CELSR1: variants seen among roughly 807,000 people sequenced by gnomAD.
The protein encoded by CELSR1 is adhesion G protein-coupled receptor C1.
In CELSR1, 110 loss-of-function variants were observed where a neutral mutation model predicts 249.1. The ratio of observed to expected loss-of-function variants is 0.44; its 90% CI spans 0.38 to 0.52. CELSR1 has a LOEUF of 0.52. Among genes scored for constraint, CELSR1 ranks in the 20% least tolerant of loss-of-function variants. CELSR1 has a pLI of 0.00. For missense variants in CELSR1, 4,109 were observed against 4,296.4 expected, an observed-to-expected ratio of 0.96 and a Z score of 1.22; for synonymous variants, 2,113 against 1,900.0, an observed-to-expected ratio of 1.11 and a Z score of -2.92.
rs374460494 is a variant in CELSR1, at chr22:46,425,732, T to C, written c.4611+7661A>G. 8.7e-4 allele frequency among the ~76,000 whole-genome samples: 133 copies of C among 152,330 alleles called. 1 individual carries two copies. In the South Asian group the frequency reaches 0.026, roughly 30 times the overall value. The stretch of plus-strand genomic sequence containing the variant: ...TTAATCTTAAAGAATCGGCTCTTTG[T>C]TTCATTGATTTTCTCTATTGTTTTG... On this transcript the variant is annotated intron_variant, in intron 5 of 34. Coordinates refer to ENST00000674500, the MANE Select transcript of CELSR1 (RefSeq NM_001378328.1).
At position 46,413,918 on chromosome 22, in the gene CELSR1, G is replaced by A. The variant is rs1406499346; in HGVS notation, c.4612-2159C>T. Among the ~76,000 whole-genome samples, 2 of 152,190 alleles carry A rather than the reference G, an allele frequency of 1.3e-5. No individual in the cohort carries two copies. The highest frequency in any genetic ancestry group is 4.2e-4 in the South Asian group (2 of 4,818). The stretch of plus-strand genomic sequence containing the variant: ...AATTTACATTTTTGGGGCTGGGCGT[G>A]AGACTACTGGAGGAAGGGCGTAAGT... On this transcript the variant is annotated intron_variant, in intron 5 of 34. Coordinates refer to ENST00000674500, the MANE Select transcript of CELSR1 (RefSeq NM_001378328.1). The surrounding 1 kb of genome is among the most constrained non-coding windows in gnomAD (Gnocchi z 4.7).
In CELSR1 at chr22:46,472,463, G is replaced by A. The variant is rs1236308445; in HGVS notation, c.3545-8118C>T. On this transcript the variant is annotated intron_variant, in intron 1 of 34. Transcript: ENST00000674500. This position sits in a 1 kb window ranked among gnomAD's most constrained non-coding sequence, Gnocchi z 7.0. ...TCGGTGGCAGGTGATTGGCGGCTGT[G>A]GGTGAAGAGCAGCGCAGCTGATGCT... 1.1e-4 allele frequency among the ~76,000 whole-genome samples: 16 copies of A among 152,192 alleles called. No homozygotes were observed. Among genetic ancestry groups the A allele is most frequent in the Admixed American group, 1.0e-3 (16 of 15,284 alleles).
chr22:46,531,082 T>C (rs183825459), intron 1 of CELSR1, among the ~76,000 whole-genome samples: 4 of 152,252 alleles, frequency 2.6e-5, no homozygotes, highest in Admixed American at 6.5e-5. Flanking sequence ...CTGTTTTCTA[T>C]CCGGTGCTTT....
In CELSR1 at chr22:46,488,479, G is replaced by A. The variant is rs958403839; in HGVS notation, c.3545-24134C>T. 8.5e-5 allele frequency among the ~76,000 whole-genome samples: 13 copies of A among 152,294 alleles called. No individual in the cohort carries two copies. Among genetic ancestry groups the A allele is most frequent in the South Asian group, 2.1e-4 (1 of 4,828 alleles). ...TGCGTGCCAGTGAGCTCAGTGGGAC[G>A]GTTCGGCAGGAACACGGCTTGAACC... is the stretch of plus-strand genomic sequence containing the variant. On this transcript the variant is annotated intron_variant, in intron 1 of 34. Coordinates refer to ENST00000674500, the MANE Select transcript of CELSR1 (RefSeq NM_001378328.1). This position sits in a 1 kb window ranked among gnomAD's most constrained non-coding sequence, Gnocchi z 4.7.
chr22:46,458,689 G>GACAAGTCACTTTC (rs1169443885), intron 2 of CELSR1, among the ~76,000 whole-genome samples: 3 of 152,172 alleles, frequency 2.0e-5, no homozygotes, highest in Non-Finnish European at 4.4e-5. Context: ...GCAGCTGTGA[G>GACAAGTCACTTTC]ACTCACCTCT....
rs1388399323 is a variant in CELSR1 at position 46,391,535 on chromosome 22, G to A, written c.6148+98C>T. ...AACTCAGAACACGAGGGAGCCCAGG[G>A]TCCCCCAAACACCCAGCGTGCATGC... On this transcript the variant is annotated intron_variant, in intron 15 of 34. Coordinates refer to ENST00000674500, the MANE Select transcript of CELSR1 (RefSeq NM_001378328.1). This position sits in a 1 kb window ranked among gnomAD's most constrained non-coding sequence, Gnocchi z 4.3. 1.0e-5 allele frequency: 14 copies of A among 1,351,476 alleles called. No individual in the cohort carries two copies. The African/African-American group carries it at 1.2e-4, about 11-fold the overall frequency. The allele number at this position is 1,351,476 out of a possible 1,614,324, so 83.7% of individuals were successfully genotyped here.
At chr22:46,486,504 T>C (rs961136296) in intron 1 of CELSR1, among the ~76,000 whole-genome samples, 1 of 151,518 alleles carries the variant, frequency 6.6e-6, no homozygotes, top group African/African-American at 2.4e-5. Flanking sequence ...GCCAAGATCA[T>C]GCCCCTGTAC....
At chr22:46,414,807 A>C (rs1204456183) in intron 5 of CELSR1, among the ~76,000 whole-genome samples, 3 of 152,252 alleles carry the variant, frequency 2.0e-5, no homozygotes, top group Non-Finnish European at 4.4e-5. Context: ...AACTGAAAAC[A>C]GGAACTCAAA....
In CELSR1 at chr22:46,399,886, AG is replaced by A; in HGVS notation, c.5242del (p.Leu1748SerfsTer15). On this transcript the variant is annotated frameshift_variant, in exon 10 of 35. Transcript: ENST00000674500. LOFTEE classifies it high-confidence loss of function. This position sits in a 1 kb window ranked among gnomAD's most constrained non-coding sequence, Gnocchi z 5.0. Reference protein sequence around the residue: ...SFRLQILNNYLQFEVSHGPSD... With the variant: ...SFRLQILNNYXQFEVSHGPSD... ...GGGGCCGTGGGACACCTCAAACTGG[AG>A]GTAGTTGTTCAGGATCTGGAGCAGG... The A allele has an allele frequency of 6.2e-7, 1 of 1,614,052 alleles. No homozygotes were observed. The highest frequency in any genetic ancestry group is 8.5e-7 in the Non-Finnish European group (1 of 1,179,956).
chr22:46,377,711 CCTGCTGGGG>C, intron 23 of CELSR1: 2 of 194,002 alleles, frequency 1.0e-5, no homozygotes, highest in South Asian at 1.1e-4. Context: ...CAGGCTGGGT[CCTGCTGGGG>C]AGTGACATTT....
At position 46,429,568 on chromosome 22, in the gene CELSR1, C is replaced by A. The variant is rs117223791; in HGVS notation, c.4611+3825G>T. ...TTGGTTTTGCTGAAGGTGAATTAGACCAATAAACCTTCTCGTCTAAAATGT... is the reference window on the plus strand; with the variant it reads ...TTGGTTTTGCTGAAGGTGAATTAGAACAATAAACCTTCTCGTCTAAAATGT... On this transcript the variant is annotated intron_variant, in intron 5 of 34. Transcript: ENST00000674500. This position sits in a 1 kb window ranked among gnomAD's most constrained non-coding sequence, Gnocchi z 4.1. Among the ~76,000 whole-genome samples, 491 of 152,334 alleles carry A rather than the reference C, an allele frequency of 3.2e-3. 10 individuals are homozygous for A. The highest frequency in any genetic ancestry group is 0.019 in the East Asian group (98 of 5,182).
rs1424509260 is a variant in CELSR1 at position 46,380,700 on chromosome 22, T to C, written c.7256+88A>G. 2 of 1,470,298 alleles carry C rather than the reference T, an allele frequency of 1.4e-6. No homozygotes were observed. The highest frequency in any genetic ancestry group is 1.9e-6 in the Non-Finnish European group (2 of 1,080,496). The allele number at this position is 1,470,298 out of a possible 1,614,324, so 91.1% of individuals were successfully genotyped here. A position where few individuals can be genotyped will look rare whatever the true frequency, so the allele number is the denominator to read the frequency against. On this transcript the variant is annotated intron_variant, in intron 22 of 34. Coordinates refer to ENST00000674500, the MANE Select transcript of CELSR1 (RefSeq NM_001378328.1). This position sits in a 1 kb window ranked among gnomAD's most constrained non-coding sequence, Gnocchi z 5.1. ...CACAGACCACAAGAGACCGTCCTCT[T>C]GGGGCGCTCTGCCACTGAGCCCCCG...
rs1430737588 is a variant in CELSR1 at position 46,440,266 on chromosome 22, T to C, written c.4184-855A>G. Among the ~76,000 whole-genome samples, 2 of 152,174 alleles carry C rather than the reference T, an allele frequency of 1.3e-5. No homozygotes were observed. Among genetic ancestry groups the C allele is most frequent in the Non-Finnish European group, 2.9e-5 (2 of 68,038 alleles). On this transcript the variant is annotated intron_variant, in intron 2 of 34. Coordinates refer to ENST00000674500, the MANE Select transcript of CELSR1 (RefSeq NM_001378328.1). The surrounding 1 kb of genome is among the most constrained non-coding windows in gnomAD (Gnocchi z 4.7). ...CGCTGCATCCTCCAGCAACCAGGTG[T>C]GTGGCTGGTGACACTCCCGCCCCCG...
chr22:46,394,213 G>A lies in CELSR1; in HGVS notation c.5893C>T (p.Pro1965Ser), dbSNP rs1224953145. The A allele has an allele frequency of 6.2e-7, 1 of 1,613,866 alleles. No individual in the cohort carries two copies. The highest frequency in any genetic ancestry group is 8.5e-7 in the Non-Finnish European group (1 of 1,179,978). The stretch of plus-strand genomic sequence containing the variant: ...CCTTTGCTGACGGCACAGTGGCAGG[G>A]TCCACAGACGGGGTTCCCCCACCAG... ...RGWWGNPVCG[P>S]CHCAVSKGFD... The change falls in exon 14 of 35, where the codon CCC becomes TCC. Residue 1965 changes from proline (P) to serine (S), a missense_variant. Pro to Ser is a moderately conservative substitution (Grantham distance 74). Coordinates refer to ENST00000674500, the MANE Select transcript of CELSR1 (RefSeq NM_001378328.1).
intron 20 of CELSR1, 36 bp from the exon 21 acceptor site, chr22:46,382,086 A>G (rs1602051229): frequency 6.8e-7 from 1 of 1,473,546 alleles, no homozygotes. Context: ...CTCTGGCAGG[A>G]GCACCTGTGT....
At position 46,367,847 on chromosome 22, in the gene CELSR1, A is replaced by C. The variant is rs1004166177; in HGVS notation, c.7961T>G (p.Leu2654Arg). The C allele has an allele frequency of 1.2e-6, 2 of 1,610,334 alleles. No individual in the cohort carries two copies. Among genetic ancestry groups the C allele is most frequent in the Non-Finnish European group, 1.7e-6 (2 of 1,179,510 alleles). Residue 2654 changes from leucine to arginine, a missense_variant, in exon 28 of 35, where the codon CTG (leucine) becomes CGG (arginine). Around this residue, in one of 7 missense-constraint regions of CELSR1, gnomAD observed 1,805 missense variants for 1,831.6 expected, o/e 0.99. Transcript: ENST00000674500. ...YYGKKGIVSL[L>R]RTAFLLLLLI... ...CAGCAGCAGGAGGAATGCGGTCCTCAGCAGGGAGCTGCGGGAGGGCAGGAT... is the reference window on the plus strand; with the variant it reads ...CAGCAGCAGGAGGAATGCGGTCCTCCGCAGGGAGCTGCGGGAGGGCAGGAT...
chr22:46,404,351 G>T (rs1396708119), intron 9 of CELSR1, among the ~76,000 whole-genome samples: 1 of 152,032 alleles, frequency 6.6e-6, no homozygotes, highest in African/African-American at 2.4e-5. Flanking sequence ...GGCAGAGGTT[G>T]CAGTGAGCAG....
chr22:46,403,971 C>CAAAAAAAAA (rs756055741), intron 9 of CELSR1, among the ~76,000 whole-genome samples: 41 of 47,990 alleles, frequency 8.5e-4, no homozygotes, highest in South Asian at 1.4e-3. Flanking sequence ...AACTCCGTCT[C>CAAAAAAAAA]AAAAAAAAAA....
chr22:46,497,526 T>C (rs527653033), intron 1 of CELSR1, among the ~76,000 whole-genome samples: 2 of 152,312 alleles, frequency 1.3e-5, no homozygotes, highest in Non-Finnish European at 2.9e-5. Flanking sequence ...TCCTACTCTC[T>C]GGTCTTCACA....
Sources: gnomAD v4.1 joint callset for allele counts (sites outside exome capture counted in the v4.1 genomes callset) on GRCh38, gnomAD v4.1.1 for gene constraint, gnomAD v4.1.1 regional missense constraint, Gnocchi (gnomAD v3.1) non-coding constraint, MANE v1.5 for transcripts, NCBI Gene and HGNC (gene_info 2026-07-23, HGNC 2026-07-21) for gene names.